PLXDC2: variants seen among roughly 807,000 people sequenced by gnomAD.
PLXDC2 encodes the protein plexin domain-containing protein 2.
In PLXDC2, 40 loss-of-function variants were observed where a neutral mutation model predicts 68.9. The ratio of observed to expected loss-of-function variants is 0.58; its 90% CI spans 0.45 to 0.76. The LOEUF (loss-of-function observed/expected upper bound fraction) is 0.76, where lower values mean the gene tolerates loss of function less well. PLXDC2 is among the 30% of genes least tolerant of loss of function. The pLI is 0.00. For missense variants in PLXDC2, 644 were observed against 661.9 expected, an observed-to-expected ratio of 0.97 and a Z score of 0.30; for synonymous variants, 243 against 234.2, an observed-to-expected ratio of 1.04 and a Z score of -0.34.
At chr10:20,044,137 T>TCCCTCCCTCC (rs1554761408) in intron 2 of PLXDC2, among the ~76,000 whole-genome samples, 3 of 136,678 alleles carry the variant, frequency 2.2e-5, no homozygotes, top group Admixed American at 7.3e-5. Flanking sequence ...CCTCCCTCCC[T>TCCCTCCCTCC]CTCTCTCTTT....
At chr10:19,949,413 G>C (rs1833958496) in intron 1 of PLXDC2, among the ~76,000 whole-genome samples, 1 of 152,120 alleles carries the variant, frequency 6.6e-6, no homozygotes, top group African/African-American at 2.4e-5. Context: ...AGAGCAGAGG[G>C]CTCTGAATAT....
intron 12 of PLXDC2, among the ~76,000 whole-genome samples, chr10:20,220,925 C>G (rs1588525646): frequency 6.8e-6 from 1 of 148,108 alleles, no homozygotes; most frequent in East Asian, 2.0e-4. Flanking sequence ...TCACTGCAAC[C>G]TCCGTCTCCT....
intron 3 of PLXDC2, among the ~76,000 whole-genome samples, chr10:20,052,461 G>A (rs531211569): frequency 2.6e-5 from 4 of 151,978 alleles, no homozygotes; most frequent in East Asian, 1.9e-4. Flanking sequence ...CCACATACAC[G>A]TCCACATGCA....
intron 2 of PLXDC2, among the ~76,000 whole-genome samples, chr10:20,022,122 C>T (rs1172737444): frequency 6.6e-6 from 1 of 152,226 alleles, no homozygotes; most frequent in Non-Finnish European, 1.5e-5. Flanking sequence ...TCGGATTCTC[C>T]TCTATATATC....
chr10:19,819,651 G>T (rs1836427596), intron 1 of PLXDC2, among the ~76,000 whole-genome samples: 1 of 152,176 alleles, frequency 6.6e-6, no homozygotes, highest in Admixed American at 6.5e-5. Context: ...CAGATAAACT[G>T]CTAATTTCCT....
chr10:20,229,228 A>G (rs1445762125), intron 12 of PLXDC2, among the ~76,000 whole-genome samples: 7 of 152,160 alleles, frequency 4.6e-5, no homozygotes, highest in Non-Finnish European at 2.9e-5. Flanking sequence ...AGGGGGTTTC[A>G]TCTAAGATTG....
At chr10:19,877,781 A>G (rs965749560) in intron 1 of PLXDC2, among the ~76,000 whole-genome samples, 1 of 152,224 alleles carries the variant, frequency 6.6e-6, no homozygotes, top group African/African-American at 2.4e-5. Context: ...GCCTTTTTAT[A>G]ATAGCTTAGT....
chr10:20,229,456 G>A (rs1041382012), intron 12 of PLXDC2, among the ~76,000 whole-genome samples: 4 of 131,602 alleles, frequency 3.0e-5, no homozygotes, highest in Non-Finnish European at 3.1e-5. Context: ...ACTGAATTTT[G>A]TTCACGTGTG....
intron 6 of PLXDC2, among the ~76,000 whole-genome samples, chr10:20,154,284 G>C (rs1019304228): frequency 6.6e-6 from 1 of 152,124 alleles, no homozygotes; most frequent in Non-Finnish European, 1.5e-5. Flanking sequence ...TATTCCAATG[G>C]CCGGGTACGG....
chr10:20,200,703 A>C (rs1454461175), intron 9 of PLXDC2, among the ~76,000 whole-genome samples: 1 of 152,132 alleles, frequency 6.6e-6, no homozygotes, highest in East Asian at 1.9e-4. Context: ...CTAATTAAAA[A>C]CTAGGTAAAT....
chr10:20,126,302 T>A (rs1425563066), intron 4 of PLXDC2, among the ~76,000 whole-genome samples: 1 of 147,072 alleles, frequency 6.8e-6, no homozygotes, highest in Non-Finnish European at 1.5e-5. Flanking sequence ...AATACATATA[T>A]ACACATACGT....
At chr10:19,940,475 A>T (rs1327768892) in intron 1 of PLXDC2, among the ~76,000 whole-genome samples, 1 of 151,516 alleles carries the variant, frequency 6.6e-6, no homozygotes, top group Non-Finnish European at 1.5e-5. Context: ...AAGACAGGTC[A>T]TTCCTTCATT....
chr10:20,227,983 A>C (rs1284403139), intron 12 of PLXDC2, among the ~76,000 whole-genome samples: 1 of 152,190 alleles, frequency 6.6e-6, no homozygotes, highest in Non-Finnish European at 1.5e-5. Flanking sequence ...GATTTACGTC[A>C]TAGGAAAGTG....
intron 2 of PLXDC2, among the ~76,000 whole-genome samples, chr10:20,013,773 T>A (rs1835156197): frequency 6.6e-6 from 1 of 152,216 alleles, no homozygotes; most frequent in Admixed American, 6.5e-5. Context: ...AATGATCATC[T>A]TCTTTTTCTT....
At chr10:20,117,205 C>T (rs1403978445) in intron 4 of PLXDC2, among the ~76,000 whole-genome samples, 1 of 151,894 alleles carries the variant, frequency 6.6e-6, no homozygotes, top group East Asian at 1.9e-4. Flanking sequence ...AATCAAAAGA[C>T]ATATAAAGAT....
intron 9 of PLXDC2, among the ~76,000 whole-genome samples, chr10:20,201,190 C>T (rs1308187834): frequency 2.0e-5 from 3 of 152,068 alleles, no homozygotes; most frequent in African/African-American, 7.2e-5. Flanking sequence ...CAATAGAATA[C>T]TGTTCAGCCT....
At chr10:20,165,442 C>T (rs1272818515) in intron 7 of PLXDC2, among the ~76,000 whole-genome samples, 2 of 151,804 alleles carry the variant, frequency 1.3e-5, no homozygotes, top group Non-Finnish European at 2.9e-5. Context: ...CCCCACCCCA[C>T]AACAGTCCCC....
At chr10:20,268,039 G>A (rs1404737581) in intron 13 of PLXDC2, among the ~76,000 whole-genome samples, 2 of 151,926 alleles carry the variant, frequency 1.3e-5, no homozygotes, top group African/African-American at 2.4e-5. Flanking sequence ...CCTAAGTAAG[G>A]AATGATTAAA....
intron 3 of PLXDC2, among the ~76,000 whole-genome samples, chr10:20,054,410 T>A (rs1224375072): frequency 6.6e-6 from 1 of 151,792 alleles, no homozygotes; most frequent in African/African-American, 2.4e-5. Context: ...GATGGATGGA[T>A]GGATGGATGG....
Sources: gnomAD v4.1 joint callset for allele counts (sites outside exome capture counted in the v4.1 genomes callset) on GRCh38, gnomAD v4.1.1 for gene constraint, MANE v1.5 for transcripts, NCBI Gene and HGNC (gene_info 2026-07-23, HGNC 2026-07-21) for gene names.